Variants in CAMTA1 observed in about 807,000 individuals in gnomAD.
The protein encoded by CAMTA1 is calmodulin binding transcription activator 1.
CAMTA1 carries 27 observed loss-of-function variants against 170.9 expected under a neutral mutation model. The observed-to-expected ratio is 0.16, with a 90% CI of 0.12 to 0.22. The LOEUF (loss-of-function observed/expected upper bound fraction) is 0.22, where lower values mean the gene tolerates loss of function less well. Among genes scored for constraint, CAMTA1 ranks in the 10% least tolerant of loss-of-function variants. CAMTA1 has a pLI of 1.00. For missense variants in CAMTA1, 1,619 were observed against 2,217.2 expected (o/e 0.73, Z 5.42); for synonymous variants, 833 against 891.5 (o/e 0.93, Z 1.17).
intron 6 of CAMTA1, among the ~76,000 whole-genome samples, chr1:7,509,361 C>T (rs541863489): frequency 6.6e-6 from 1 of 152,290 alleles, no homozygotes; most frequent in African/African-American, 2.4e-5. Flanking sequence ...TTCCCCAGAG[C>T]CAGGCAACAC....
chr1:7,133,926 C>T (rs544190879), intron 4 of CAMTA1, among the ~76,000 whole-genome samples: 63 of 152,076 alleles, frequency 4.1e-4, no homozygotes, highest in Non-Finnish European at 7.1e-4. Context: ...ATTTAGATAC[C>T]GAGGGTATGT....
At chr1:7,499,135 T>G (rs1237088771) in intron 6 of CAMTA1, among the ~76,000 whole-genome samples, 14 of 132,512 alleles carry the variant, frequency 1.1e-4, no homozygotes, top group African/African-American at 3.6e-4. Context: ...GTGATCCTGG[T>G]GTGCGTGTGT....
rs534789314 is a variant in CAMTA1 at position 6,975,284 on chromosome 1, G to A, written c.235-116020G>A. ...CAGGATCTTTGTAAGAGGAACAGGA[G>A]TAAACCCTGAAAATTTCGGTAAAAA... On this transcript the variant is annotated intron_variant, in intron 3 of 22. Transcript: ENST00000303635. 2.2e-4 allele frequency among the ~76,000 whole-genome samples: 34 copies of A among 152,314 alleles called. 2 individuals carry two copies. The South Asian group carries it at 6.4e-3, about 29-fold the overall frequency.
At chr1:7,541,725 C>G (rs1254473998) in intron 6 of CAMTA1, among the ~76,000 whole-genome samples, 1 of 152,216 alleles carries the variant, frequency 6.6e-6, no homozygotes, top group South Asian at 2.1e-4. Flanking sequence ...TTTGGTTGTT[C>G]TGTGGTCACG....
intron 4 of CAMTA1, among the ~76,000 whole-genome samples, chr1:7,238,156 C>CTT (rs71582089): frequency 6.9e-6 from 1 of 145,306 alleles, no homozygotes; most frequent in African/African-American, 2.6e-5. Context: ...AGTCTTCTTT[C>CTT]TTTTTTTTTT....
intron 11 of CAMTA1, among the ~76,000 whole-genome samples, chr1:7,711,794 T>G (rs550905693): frequency 4.0e-4 from 61 of 152,340 alleles, no homozygotes; most frequent in Non-Finnish European, 8.5e-4. Flanking sequence ...GTAAGATGTT[T>G]TATCTAATGA....
At chr1:7,097,499 G>A (rs996904962) in intron 4 of CAMTA1, among the ~76,000 whole-genome samples, 2 of 152,210 alleles carry the variant, frequency 1.3e-5, no homozygotes, top group African/African-American at 4.8e-5. Context: ...GTGCAGTGGG[G>A]TTTGTCTTTG....
At position 7,565,399 on chromosome 1, in the gene CAMTA1, C is replaced by T. The variant is rs1189826220; in HGVS notation, c.511-75001C>T. On this transcript the variant is annotated intron_variant, in intron 6 of 22. Coordinates refer to ENST00000303635, the MANE Select transcript of CAMTA1 (RefSeq NM_015215.4). The surrounding 1 kb of genome is among the most constrained non-coding windows in gnomAD (Gnocchi z 4.5). The stretch of plus-strand genomic sequence containing the variant: ...GGCCCAGGGGAGCCTACTGGGACAG[C>T]TGACCCAGGCTTCTAGGCCCCAGGG... Among the ~76,000 whole-genome samples the T allele has an allele frequency of 6.6e-6, 1 of 152,124 alleles. No individual in the cohort carries two copies. The highest frequency in any genetic ancestry group is 1.5e-5 in the Non-Finnish European group (1 of 68,012).
chr1:7,704,557 G>A (rs1254558886), intron 11 of CAMTA1, among the ~76,000 whole-genome samples: 3 of 148,530 alleles, frequency 2.0e-5, no homozygotes, highest in Non-Finnish European at 4.5e-5. Flanking sequence ...CAGTTCCGGC[G>A]CAGTCCCCGC....
chr1:7,623,266 T>TTGAA lies in CAMTA1; in HGVS notation c.511-17110_511-17107dup, dbSNP rs111828628. Among the ~76,000 whole-genome samples, 193 of 152,148 alleles carry TTGAA rather than the reference T, an allele frequency of 1.3e-3. 1 individual carries two copies. Among genetic ancestry groups the TTGAA allele is most frequent in the South Asian group, 8.9e-3 (43 of 4,814 alleles). On this transcript the variant is annotated intron_variant, in intron 6 of 22. Coordinates refer to ENST00000303635, the MANE Select transcript of CAMTA1 (RefSeq NM_015215.4). The stretch of plus-strand genomic sequence containing the variant: ...CTTGTGGTTCTTGAGAGCTAATCTG[T>TTGAA]TGAATGAATGAATGAATGAATGAAT...
intron 5 of CAMTA1, among the ~76,000 whole-genome samples, chr1:7,276,943 A>G (rs1241158916): frequency 6.6e-6 from 1 of 152,262 alleles, no homozygotes; most frequent in Non-Finnish European, 1.5e-5. Flanking sequence ...GAAAACAAAG[A>G]TAAAGAAAAA....
At chr1:7,045,228 C>T (rs1303539127) in intron 3 of CAMTA1, among the ~76,000 whole-genome samples, 1 of 152,166 alleles carries the variant, frequency 6.6e-6, no homozygotes, top group Non-Finnish European at 1.5e-5. Context: ...GTGGTGGTCA[C>T]CCAGCGAAAG....
At chr1:7,298,361 A>C (rs1162456004) in intron 5 of CAMTA1, among the ~76,000 whole-genome samples, 10 of 152,124 alleles carry the variant, frequency 6.6e-5, no homozygotes, top group Admixed American at 2.0e-4. Flanking sequence ...TATGAAAGTC[A>C]CTGACAAGTT....
chr1:6,956,507 A>G (rs1330170323), intron 3 of CAMTA1, among the ~76,000 whole-genome samples: 1 of 150,490 alleles, frequency 6.6e-6, no homozygotes, highest in African/African-American at 2.5e-5. Context: ...AGATGAAAAC[A>G]TGACTAAATT....
chr1:7,282,601 T>C (rs1671676110), intron 5 of CAMTA1, among the ~76,000 whole-genome samples: 2 of 152,172 alleles, frequency 1.3e-5, no homozygotes, highest in Admixed American at 1.3e-4. Flanking sequence ...CTTGGTGACC[T>C]CTCTGGCCAC....
At chr1:7,124,797 T>A (rs1472607857) in intron 4 of CAMTA1, among the ~76,000 whole-genome samples, 5 of 152,178 alleles carry the variant, frequency 3.3e-5, no homozygotes. Context: ...GCTGAGAAGA[T>A]TTAACGTCGC....
At position 7,016,842 on chromosome 1, in the gene CAMTA1, A is replaced by G. The variant is rs547090370; in HGVS notation, c.235-74462A>G. 3.4e-3 allele frequency among the ~76,000 whole-genome samples: 514 copies of G among 149,532 alleles called. 9 individuals carry two copies. Among genetic ancestry groups the G allele is most frequent in the African/African-American group, 0.012 (478 of 40,832 alleles). On this transcript the variant is annotated intron_variant, in intron 3 of 22. Coordinates refer to ENST00000303635, the MANE Select transcript of CAMTA1 (RefSeq NM_015215.4). ...CAGAGCGAGCCTGTCTCAAAAGAAG[A>G]AAAAAAAAAGGAAAAGAAAAAAAAG...
Position 7,042,266 on chromosome 1 carries a change from C to T in CAMTA1, c.235-49038C>T, listed in dbSNP as rs547579069. Among the ~76,000 whole-genome samples the T allele has an allele frequency of 2.6e-5, 4 of 152,328 alleles. No individual in the cohort carries two copies. The East Asian group carries it at 7.7e-4, about 29-fold the overall frequency. ...GCAGATGCTGCTTCTCTTGCCTCCT[C>T]GTCCCCCTTCCCTGGGCTGCCCTGG... On this transcript the variant is annotated intron_variant, in intron 3 of 22. Coordinates refer to ENST00000303635, the MANE Select transcript of CAMTA1 (RefSeq NM_015215.4).
chr1:7,713,694 A>C (rs2096588168), intron 11 of CAMTA1, among the ~76,000 whole-genome samples: 1 of 152,182 alleles, frequency 6.6e-6, no homozygotes, highest in Non-Finnish European at 1.5e-5. Context: ...GACCATCCTC[A>C]CAAAATAGTT....
Sources: gnomAD v4.1 joint callset for allele counts (sites outside exome capture counted in the v4.1 genomes callset) on GRCh38, gnomAD v4.1.1 for gene constraint, Gnocchi (gnomAD v3.1) non-coding constraint, MANE v1.5 for transcripts, NCBI Gene and HGNC (gene_info 2026-07-23, HGNC 2026-07-21) for gene names.